NFAT5: variants seen among roughly 807,000 people sequenced by gnomAD.
NFAT5 encodes the protein nuclear factor of activated T cells 5.
In NFAT5, 31 loss-of-function variants were observed where a neutral mutation model predicts 166.5. The ratio of observed to expected loss-of-function variants is 0.19; its 90% CI spans 0.14 to 0.25. The LOEUF (loss-of-function observed/expected upper bound fraction) is 0.25, where lower values mean the gene tolerates loss of function less well. Among genes scored for constraint, NFAT5 ranks in the 10% least tolerant of loss-of-function variants. NFAT5 has a pLI of 1.00. For synonymous variants in NFAT5, 612 were observed against 639.7 expected, an observed-to-expected ratio of 0.96 and a Z score of 0.65; for missense variants, 1,449 against 1,821.8, an observed-to-expected ratio of 0.80 and a Z score of 3.72.
rs1024516722 is a variant in NFAT5 at position 69,566,102 on chromosome 16, C to T, written c.-200C>T. The T allele has an allele frequency of 3.7e-5, 21 of 572,224 alleles. No homozygotes were observed. Among genetic ancestry groups the T allele is most frequent in the Non-Finnish European group, 6.1e-5 (20 of 329,180 alleles). 35.4% of individuals were successfully genotyped at this position (572,224 alleles called of 1,614,324 possible). A position where few individuals can be genotyped will look rare whatever the true frequency, so the allele number is the denominator to read the frequency against. On this transcript the variant is annotated 5_prime_UTR_variant, in exon 1 of 15. Transcript: ENST00000349945. The surrounding 1 kb of genome is among the most constrained non-coding windows in gnomAD (Gnocchi z 5.7). ...CTCCTGGTCACCGAGAATCAGTCCCCGTGGAGTTCCCCCTCCACCTCGCCA... is the reference window on the plus strand; with the variant it reads ...CTCCTGGTCACCGAGAATCAGTCCCTGTGGAGTTCCCCCTCCACCTCGCCA...
chr16:69,625,605 A>G (rs1187817335), intron 2 of NFAT5, among the ~76,000 whole-genome samples: 1 of 151,900 alleles, frequency 6.6e-6, no homozygotes, highest in Non-Finnish European at 1.5e-5. Flanking sequence ...ATTGGGAAAA[A>G]TGAATTATGA....
At position 69,693,454 on chromosome 16, in the gene NFAT5, A is replaced by G. The variant is rs1305603289; in HGVS notation, c.3629A>G (p.Gln1210Arg). The stretch of plus-strand genomic sequence containing the variant: ...CAGCAAGCTCCAATATCACACATCC[A>G]GACTCCTATGCTTTCCCAAGAACAG... ...FQQQAPISHI[Q>R]TPMLSQEQAQ... The change falls in exon 13 of 15, where the codon CAG (glutamine) becomes CGG (arginine). Residue 1210 changes from glutamine (Q) to arginine (R), a missense_variant. Transcript: ENST00000349945. 2 of 1,614,204 alleles carry G rather than the reference A, an allele frequency of 1.2e-6. No homozygotes were observed. The highest frequency in any genetic ancestry group is 1.7e-6 in the Non-Finnish European group (2 of 1,180,034).
In NFAT5 at chr16:69,701,993, C is replaced by T. The variant is rs2037905750; in HGVS notation, c.*5642C>T. On this transcript the variant is annotated 3_prime_UTR_variant, in exon 15 of 15. Coordinates refer to ENST00000349945, the MANE Select transcript of NFAT5 (RefSeq NM_138713.4). ...GTTTTTGTTAATTTTGCCTCTATTC[C>T]AGCTCCTTACCACAGCGGTGGTGCT... 6.6e-6 allele frequency: 1 copy of T among 152,538 alleles called. No individual in the cohort carries two copies. Among genetic ancestry groups the T allele is most frequent in the African/African-American group, 2.4e-5 (1 of 41,414 alleles). 9.4% of individuals were successfully genotyped at this position (152,538 alleles called of 1,614,324 possible). A position where few individuals can be genotyped will look rare whatever the true frequency, so the allele number is the denominator to read the frequency against.
At chr16:69,577,729 A>G (rs7186199) in intron 2 of NFAT5, among the ~76,000 whole-genome samples, 6,722 of 152,254 alleles carry the variant, frequency 0.044, 507 homozygotes, top group African/African-American at 0.15. Flanking sequence ...AAACATACAT[A>G]CTTTTTAAAA....
intron 3 of NFAT5, chr16:69,632,424 G>A (rs896069581): frequency 9.2e-5 from 14 of 152,120 alleles, no homozygotes; most frequent in Middle Eastern, 3.4e-3. Flanking sequence ...CTATCACTTC[G>A]ATTAGGGAAA....
At position 69,668,092 on chromosome 16, in the gene NFAT5, G is replaced by T. The variant is rs150074658; in HGVS notation, c.1370-1885G>T. Reference sequence around the variant, plus strand: ...ACCGATTCTCCTGCCTCAGCCTCCCGAGTAGCTGGGATTACAAGCATGTGC... The same window carrying T: ...ACCGATTCTCCTGCCTCAGCCTCCCTAGTAGCTGGGATTACAAGCATGTGC... On this transcript the variant is annotated intron_variant, in intron 7 of 14. Coordinates refer to ENST00000349945, the MANE Select transcript of NFAT5 (RefSeq NM_138713.4). 1.5e-3 allele frequency among the ~76,000 whole-genome samples: 231 copies of T among 151,904 alleles called. 1 individual carries two copies. The highest frequency in any genetic ancestry group is 5.5e-3 in the African/African-American group (226 of 41,396).
chr16:69,695,107 T>A, intron 13 of NFAT5, 29 bp from the exon 14 acceptor site: 2 of 1,537,950 alleles, frequency 1.3e-6, no homozygotes, highest in Non-Finnish European at 1.8e-6. Flanking sequence ...TAGTCAGCTT[T>A]TAAGCTTCTG....
intron 9 of NFAT5, among the ~76,000 whole-genome samples, chr16:69,675,859 T>A (rs1377623321): frequency 6.6e-6 from 1 of 152,222 alleles, no homozygotes; most frequent in African/African-American, 2.4e-5. Flanking sequence ...CAGGCTGTTC[T>A]CAAGCTCCTG....
intron 2 of NFAT5, among the ~76,000 whole-genome samples, chr16:69,615,999 G>A (rs1162851193): frequency 1.3e-5 from 2 of 152,042 alleles, no homozygotes; most frequent in African/African-American, 2.4e-5. Flanking sequence ...CTCCTATCTT[G>A]CTCATCCTGC....
chr16:69,652,365 TCACTTGAACC>T, intron 4 of NFAT5, among the ~76,000 whole-genome samples: 1 of 149,144 alleles, frequency 6.7e-6, no homozygotes, highest in South Asian at 2.1e-4. Flanking sequence ...GGCAGGAGAA[TCACTTGAACC>T]CAGGAAACAG....
At chr16:69,624,141 G>T (rs1229340364) in intron 2 of NFAT5, among the ~76,000 whole-genome samples, 1 of 152,178 alleles carries the variant, frequency 6.6e-6, no homozygotes, top group Non-Finnish European at 1.5e-5. Context: ...TTTGCCACAT[G>T]ATTTGAAGAT....
chr16:69,625,063 C>T (rs978791451), intron 2 of NFAT5, among the ~76,000 whole-genome samples: 2 of 151,932 alleles, frequency 1.3e-5, no homozygotes, highest in Non-Finnish European at 2.9e-5. Context: ...CCATGCCCAG[C>T]TAATTTTTTG....
At chr16:69,585,023 G>A (rs776113542) in intron 2 of NFAT5, among the ~76,000 whole-genome samples, 3 of 151,914 alleles carry the variant, frequency 2.0e-5, no homozygotes, top group Non-Finnish European at 4.4e-5. Flanking sequence ...TTTTGAGGTG[G>A]AGTCTCGCTC....
chr16:69,596,458 G>A (rs1171319197), intron 2 of NFAT5, among the ~76,000 whole-genome samples: 10 of 152,124 alleles, frequency 6.6e-5, no homozygotes, highest in East Asian at 3.8e-4. Flanking sequence ...AGTGGCTCAC[G>A]CCTGTAATCC....
intron 7 of NFAT5, among the ~76,000 whole-genome samples, chr16:69,668,246 C>T (rs986968065): frequency 2.6e-5 from 4 of 152,158 alleles, no homozygotes; most frequent in African/African-American, 9.7e-5. Context: ...TCTCGGTCTC[C>T]CAAAGTATTG....
At chr16:69,622,799 A>T (rs556419910) in intron 2 of NFAT5, among the ~76,000 whole-genome samples, 23 of 150,176 alleles carry the variant, frequency 1.5e-4, no homozygotes, top group Middle Eastern at 3.4e-3. Flanking sequence ...CTTTTTATCG[A>T]ATCTGTTTCT....
rs3217434 is a variant in NFAT5, at chr16:69,670,219, C to CTG, written c.1505-16_1505-15insGT. 967,675 of 1,571,328 alleles carry CTG rather than the reference C, an allele frequency of 0.62. 305,461 individuals carry two copies. Among genetic ancestry groups the CTG allele is most frequent in the African/African-American group, 0.93 (67,683 of 72,868 alleles). ...AATAGTTCAAAAATTTAATAAATCA[C>CTG]TTTTTATTTCAATCAGATGAAAACT... On this transcript the variant is annotated splice_polypyrimidine_tract_variant and intron_variant, in intron 8 of 14. Transcript: ENST00000349945.
In NFAT5 at chr16:69,699,007, T is replaced by A. The variant is rs1469765948; in HGVS notation, c.*2656T>A. 1 of 152,624 alleles carries A rather than the reference T, an allele frequency of 6.6e-6. No individual in the cohort carries two copies. Among genetic ancestry groups the A allele is most frequent in the African/African-American group, 2.4e-5 (1 of 41,452 alleles). 9.5% of individuals were successfully genotyped at this position (152,624 alleles called of 1,614,324 possible). A position where few individuals can be genotyped will look rare whatever the true frequency, so the allele number is the denominator to read the frequency against. ...CAGCCACACAATCCAGTGCTTCAGT[T>A]TGAAAATGTAAAATTCTAACCCTAA... On this transcript the variant is annotated 3_prime_UTR_variant, in exon 15 of 15. Coordinates refer to ENST00000349945, the MANE Select transcript of NFAT5 (RefSeq NM_138713.4).
chr16:69,567,680 C>T (rs1020762993), intron 1 of NFAT5, among the ~76,000 whole-genome samples: 2 of 152,108 alleles, frequency 1.3e-5, no homozygotes, highest in Non-Finnish European at 1.5e-5. Context: ...GTAATTGTAG[C>T]CACTGTCTGT....
Sources: gnomAD v4.1 joint callset for allele counts (sites outside exome capture counted in the v4.1 genomes callset) on GRCh38, gnomAD v4.1.1 for gene constraint, Gnocchi (gnomAD v3.1) non-coding constraint, MANE v1.5 for transcripts, NCBI Gene and HGNC (gene_info 2026-07-23, HGNC 2026-07-21) for gene names.